PMPCA: variants seen among roughly 807,000 people sequenced by gnomAD.
PMPCA encodes peptidase, mitochondrial processing subunit alpha, also known as mitochondrial-processing peptidase subunit alpha.
Under a neutral mutation model 59.3 loss-of-function variants are expected in PMPCA, and 47 were observed. The observed-to-expected ratio is 0.79, with a 90% CI of 0.63 to 1.01. The LOEUF (loss-of-function observed/expected upper bound fraction) is 1.01. Among genes scored for constraint, PMPCA ranks in the 50% least tolerant of loss-of-function variants. PMPCA has a pLI of 0.00. For missense variants in PMPCA, 726 were observed against 704.5 expected (o/e 1.03, Z -0.34); for synonymous variants, 338 against 290.3 (o/e 1.16, Z -1.67).
At chr9:136,422,847 C>T (rs752616024) in intron 12 of PMPCA, 4 of 1,316,858 alleles carry the variant, frequency 3.0e-6, no homozygotes, top group Non-Finnish European at 1.9e-6. Flanking sequence ...TGTAACTCTT[C>T]TTGGGTGGCT....
intron 11 of PMPCA, among the ~76,000 whole-genome samples, chr9:136,421,413 T>TTTTTTTTG (rs1203236667): frequency 7.8e-6 from 1 of 128,846 alleles, no homozygotes; most frequent in Non-Finnish European, 1.5e-5. Context: ...CGTTTTTTTT[T>TTTTTTTTG]TTTTTTTTTT....
chr9:136,418,052 G>A lies in PMPCA; in HGVS notation c.933G>A (p.Pro311=). 6.2e-7 allele frequency: 1 copy of A among 1,613,912 alleles called. No individual in the cohort carries two copies. Among genetic ancestry groups the A allele is most frequent in the Admixed American group, 1.7e-5 (1 of 60,022 alleles). The change falls in exon 8 of 13, where the codon CCG becomes CCA. Residue 311 remains proline, a synonymous_variant. Transcript: ENST00000371717. ...ACATGTCCAATGTCAGCCTGGGCCCGACCCCCATCCCCGAGCTCACGCACA... is the reference window on the plus strand; with the variant it reads ...ACATGTCCAATGTCAGCCTGGGCCCAACCCCCATCCCCGAGCTCACGCACA... ...ERDMSNVSLG[P]TPIPELTHIM...
At chr9:136,419,637 C>T (rs545479806) in intron 11 of PMPCA, 1 of 164,872 alleles carries the variant, frequency 6.1e-6, no homozygotes, top group Non-Finnish European at 1.3e-5. Context: ...GGCTGGAGTG[C>T]AGTAGCTCAA....
At chr9:136,416,758 A>C in intron 6 of PMPCA, 193 bp from the exon 7 acceptor site, 1 of 597,016 alleles carries the variant, frequency 1.7e-6, no homozygotes, top group East Asian at 2.8e-5. Flanking sequence ...CTTTTTGTGA[A>C]TTTGTATTCT....
chr9:136,413,402 C>T (rs1835189677), intron 4 of PMPCA, among the ~76,000 whole-genome samples: 1 of 152,094 alleles, frequency 6.6e-6, no homozygotes, highest in African/African-American at 2.4e-5. Context: ...TTGCCTCGAG[C>T]ACAGTGCAGT....
intron 6 of PMPCA, chr9:136,416,685 T>C (rs755207442): frequency 3.4e-6 from 2 of 590,102 alleles, no homozygotes; most frequent in East Asian, 2.8e-5. Flanking sequence ...GTTTATACAA[T>C]GTTCGTATTT....
chr9:136,412,684 A>G (rs1588807965), intron 3 of PMPCA, 115 bp downstream of exon 3: 5 of 794,004 alleles, frequency 6.3e-6, no homozygotes, highest in African/African-American at 5.2e-5. Context: ...AATGTTAATA[A>G]AAGACTTTTA....
rs1835524003 is a variant in PMPCA, at chr9:136,423,577, G to T, written c.*313G>T. ...GCACATGGGGCCCCGCAGGTTCCTTGGAGGAGCCCTGAGCTGGGAGGCAGC... is the reference window on the plus strand; with the variant it reads ...GCACATGGGGCCCCGCAGGTTCCTTTGAGGAGCCCTGAGCTGGGAGGCAGC... On this transcript the variant is annotated 3_prime_UTR_variant, in exon 13 of 13. Transcript: ENST00000371717. 1 of 329,888 alleles carries T rather than the reference G, an allele frequency of 3.0e-6. No individual in the cohort carries two copies. Among genetic ancestry groups the T allele is most frequent in the Non-Finnish European group, 5.8e-6 (1 of 173,378 alleles). 20.4% of individuals were successfully genotyped at this position (329,888 alleles called of 1,614,324 possible).
rs761722598 is a variant in PMPCA at position 136,410,709 on chromosome 9, G to T, written c.41G>T (p.Gly14Val). ...CTGGCGGCGACGCGGTTGCTGCGGG[G>T]CTCGGGTTCTTGGGGCTGTTCGCGG... ...VVLAATRLLR[G>V]SGSWGCSRLR... Residue 14 changes from glycine (G) to valine (V), a missense_variant, in exon 1 of 13, where the codon GGC (glycine) becomes GTC (valine). By Grantham distance (109) the Gly-to-Val change is moderately radical. Coordinates refer to ENST00000371717, the MANE Select transcript of PMPCA (RefSeq NM_015160.3). 7.7e-6 allele frequency: 11 copies of T among 1,423,020 alleles called. No homozygotes were observed. The highest frequency in any genetic ancestry group is 9.2e-6 in the Non-Finnish European group (10 of 1,091,696). The allele number at this position is 1,423,020 out of a possible 1,614,324, so 88.1% of individuals were successfully genotyped here.
chr9:136,423,487 T>C lies in PMPCA; in HGVS notation c.*223T>C. 1.8e-6 allele frequency: 1 copy of C among 546,574 alleles called. No homozygotes were observed. The highest frequency in any genetic ancestry group is 2.2e-5 in the South Asian group (1 of 46,236). The allele number at this position is 546,574 out of a possible 1,614,324, so 33.9% of individuals were successfully genotyped here. A position where few individuals can be genotyped will look rare whatever the true frequency, so the allele number is the denominator to read the frequency against. ...ACCGCAAGCCAGGAAGCAGGTGAAG[T>C]GCCCAGCGCTGGAGTGCAGCGTGCC... On this transcript the variant is annotated 3_prime_UTR_variant, in exon 13 of 13. Transcript: ENST00000371717.
At chr9:136,415,174 G>C (rs1835239852) in intron 5 of PMPCA, among the ~76,000 whole-genome samples, 1 of 152,218 alleles carries the variant, frequency 6.6e-6, no homozygotes, top group Non-Finnish European at 1.5e-5. Context: ...GGGATGTAGA[G>C]ATGGGAGGAT....
chr9:136,411,752 A>G (rs1835124135), intron 1 of PMPCA, among the ~76,000 whole-genome samples: 1 of 152,252 alleles, frequency 6.6e-6, no homozygotes. Context: ...GTTACTGTTA[A>G]TAAGCCCTGT....
At chr9:136,411,091 G>C (rs1835092913) in intron 1 of PMPCA, 1 of 257,034 alleles carries the variant, frequency 3.9e-6, no homozygotes, top group African/African-American at 2.2e-5. Flanking sequence ...AGACCCGCAG[G>C]GTTCTGACAC....
chr9:136,418,026 G>C lies in PMPCA; in HGVS notation c.907G>C (p.Asp303His). The change falls in exon 8 of 13, where the codon GAC (aspartate) becomes CAC (histidine). Residue 303 changes from aspartate to histidine, a missense_variant. Coordinates refer to ENST00000371717, the MANE Select transcript of PMPCA (RefSeq NM_015160.3). The stretch of plus-strand genomic sequence containing the variant: ...GTTTTCTTGGTTACAGCTAGAAAGA[G>C]ACATGTCCAATGTCAGCCTGGGCCC... ...YTGGIAKLERDMSNVSLGPTP... is the reference protein window; with the variant it reads ...YTGGIAKLERHMSNVSLGPTP... 6.2e-7 allele frequency: 1 copy of C among 1,612,724 alleles called. No individual in the cohort carries two copies. The highest frequency in any genetic ancestry group is 8.5e-7 in the Non-Finnish European group (1 of 1,178,692).
chr9:136,415,464 AG>A (rs1835247742), intron 5 of PMPCA, among the ~76,000 whole-genome samples: 1 of 152,214 alleles, frequency 6.6e-6, no homozygotes, highest in Admixed American at 6.5e-5. Context: ...TGCAGATGGC[AG>A]GACTTTGAGT....
chr9:136,422,930 C>A, intron 12 of PMPCA, 165 bp from the exon 13 acceptor site: 1 of 1,437,070 alleles, frequency 7.0e-7, no homozygotes, highest in Admixed American at 2.7e-5. Context: ...TGTGGACTCA[C>A]CCTTGGCTAC....
intron 12 of PMPCA, chr9:136,422,782 T>C (rs766587305): frequency 3.8e-5 from 43 of 1,144,426 alleles, no homozygotes; most frequent in Non-Finnish European, 4.6e-5. Context: ...GGGGGTTTTT[T>C]CTGCAGGCCG....
chr9:136,422,288 G>A (rs775577997), intron 12 of PMPCA: 201 of 1,280,958 alleles, frequency 1.6e-4, no homozygotes, highest in Non-Finnish European at 2.0e-4. Flanking sequence ...AGGCGAGAAG[G>A]GCTCAGTAGA....
rs1588818489 is a variant in PMPCA at position 136,418,830 on chromosome 9, A to C, written c.1112A>C (p.His371Pro). 6.2e-7 allele frequency: 1 copy of C among 1,610,934 alleles called. No individual in the cohort carries two copies. Among genetic ancestry groups the C allele is most frequent in the Non-Finnish European group, 8.5e-7 (1 of 1,178,174 alleles). Residue 371 changes from histidine (H) to proline (P), a missense_variant and splice_region_variant, in exon 10 of 13, where the codon CAC (histidine) becomes CCC (proline). His to Pro is a moderately conservative substitution (Grantham distance 77, BLOSUM62 -2). Transcript: ENST00000371717. ...SRLYLNVLNR[H>P]HWMYNATSYH... ...CCATGACTCTCGCTTCCTCCCAGGC[A>C]CCACTGGATGTATAACGCGACCTCC...
Sources: allele counts gnomAD v4.1 joint callset (sites outside exome capture counted in the v4.1 genomes callset), GRCh38; gene constraint gnomAD v4.1.1; transcripts MANE v1.5; gene names NCBI Gene and HGNC (gene_info 2026-07-23, HGNC 2026-07-21).